Variants in CAP2 observed in about 807,000 individuals in gnomAD.
The protein encoded by CAP2 is cyclase associated actin cytoskeleton regulatory protein 2, also known as adenylyl cyclase-associated protein 2.
A neutral mutation model predicts 57.7 loss-of-function variants in CAP2; 24 were observed. That is an observed-to-expected ratio of 0.42 (90% CI 0.30 to 0.58). CAP2 has a LOEUF of 0.58. CAP2 is among the 20% of genes least tolerant of loss of function. The probability of loss-of-function intolerance (pLI) is 0.22; values close to 1 mark genes in which losing one functional copy is unlikely to be tolerated. For synonymous variants in CAP2, 194 were observed against 207.2 expected, an observed-to-expected ratio of 0.94 and a Z score of 0.55; for missense variants, 501 against 590.3, an observed-to-expected ratio of 0.85 and a Z score of 1.57.
In CAP2 at chr6:17,417,274, A is replaced by T. The variant is rs942976602; in HGVS notation, c.-1-4281A>T. ...TCTCAAGTACAGTTTTTTAAAACTG[A>T]TTTTTTTTTTTTTTTTTCTGAGACA... is the stretch of plus-strand genomic sequence containing the variant. On this transcript the variant is annotated intron_variant, in intron 1 of 12. Coordinates refer to ENST00000229922, the MANE Select transcript of CAP2 (RefSeq NM_006366.3). 2.4e-4 allele frequency among the ~76,000 whole-genome samples: 33 copies of T among 137,244 alleles called. No individual in the cohort carries two copies. In the East Asian group the frequency reaches 5.4e-3, roughly 22 times the overall value. 90.0% of individuals were successfully genotyped at this position (137,244 alleles called of 152,430 possible).
intron 3 of CAP2, among the ~76,000 whole-genome samples, chr6:17,438,352 C>T (rs569080149): frequency 2.5e-5 from 2 of 81,462 alleles, no homozygotes; most frequent in South Asian, 3.5e-4. Flanking sequence ...GGCGAAAGAA[C>T]GAGATTCCAT....
At chr6:17,447,255 A>G (rs1159010547) in intron 3 of CAP2, among the ~76,000 whole-genome samples, 1 of 152,048 alleles carries the variant, frequency 6.6e-6, no homozygotes, top group Non-Finnish European at 1.5e-5. Context: ...CCTGGTCTCA[A>G]GCAGTCCTCC....
chr6:17,462,928 G>A (rs1760763974), intron 3 of CAP2, 68 bp from the exon 4 acceptor site: 5 of 1,241,196 alleles, frequency 4.0e-6, no homozygotes, highest in African/African-American at 3.0e-5. Flanking sequence ...GGGTGGAATT[G>A]CCAGATTATA....
intron 4 of CAP2, among the ~76,000 whole-genome samples, chr6:17,500,338 CAAATATATATATAT>C (rs1761774466): frequency 6.2e-5 from 1 of 16,252 alleles, no homozygotes; most frequent in Non-Finnish European, 1.4e-4. Flanking sequence ...TGTGTGTGTC[CAAATATATATATAT>C]ATATATATAT....
intron 7 of CAP2, among the ~76,000 whole-genome samples, chr6:17,515,189 T>G (rs1292772317): frequency 6.7e-6 from 1 of 149,892 alleles, no homozygotes; most frequent in Non-Finnish European, 1.5e-5. Context: ...AGAGCAAGAC[T>G]CTGTCTCAAA....
At chr6:17,420,038 AT>A (rs1759395024) in intron 1 of CAP2, among the ~76,000 whole-genome samples, 1 of 151,590 alleles carries the variant, frequency 6.6e-6, no homozygotes, top group African/African-American at 2.4e-5. Flanking sequence ...AGCCCAGCTA[AT>A]TTTTGTATTT....
chr6:17,539,573 G>T lies in CAP2; in HGVS notation c.826+115G>T, dbSNP rs1762852053. ...ATCACTCCATCCCTGCCTCCAGCAT[G>T]CAGGGAGAGGGGGAACTGGTGCTGG... On this transcript the variant is annotated intron_variant, in intron 8 of 12. Coordinates refer to ENST00000229922, the MANE Select transcript of CAP2 (RefSeq NM_006366.3). The T allele has an allele frequency of 1.4e-5, 11 of 767,846 alleles. No individual in the cohort carries two copies. In the South Asian group the frequency reaches 2.0e-4, roughly 14 times the overall value. 47.6% of individuals were successfully genotyped at this position (767,846 alleles called of 1,614,324 possible).
chr6:17,404,559 G>C (rs7773865), intron 1 of CAP2, among the ~76,000 whole-genome samples: 1 of 150,766 alleles, frequency 6.6e-6, no homozygotes, highest in African/African-American at 2.4e-5. Flanking sequence ...GAGCCCAGAT[G>C]GCGCCACTGC....
At chr6:17,539,150 C>A in intron 7 of CAP2, 119 bp from the exon 8 acceptor site, 1 of 871,148 alleles carries the variant, frequency 1.1e-6, no homozygotes, top group Admixed American at 2.3e-5. Context: ...CCTCTGGGAG[C>A]CTTTGCTCAG....
intron 12 of CAP2, among the ~76,000 whole-genome samples, chr6:17,554,907 G>T (rs548883234): frequency 3.9e-5 from 6 of 152,290 alleles, no homozygotes; most frequent in Middle Eastern, 3.4e-3. Context: ...CTTTTATTTT[G>T]ACTATTCTCT....
At chr6:17,412,637 G>A (rs904867537) in intron 1 of CAP2, among the ~76,000 whole-genome samples, 17 of 152,192 alleles carry the variant, frequency 1.1e-4, no homozygotes, top group Admixed American at 5.2e-4. Flanking sequence ...GGTTCTGAGG[G>A]GTGATACCTC....
chr6:17,533,000 G>T (rs1013613965), intron 7 of CAP2, among the ~76,000 whole-genome samples: 1 of 148,214 alleles, frequency 6.7e-6, no homozygotes, highest in African/African-American at 2.5e-5. Context: ...GGGAGGTGAA[G>T]GTTGCGGTGA....
chr6:17,406,656 T>C (rs946552796), intron 1 of CAP2, among the ~76,000 whole-genome samples: 2 of 152,082 alleles, frequency 1.3e-5, no homozygotes, highest in African/African-American at 4.8e-5. Flanking sequence ...CCTCCCAAAG[T>C]GCTGGGATTA....
At position 17,406,412 on chromosome 6, in the gene CAP2, T is replaced by TTTTTTC. The variant is rs1197104013; in HGVS notation, c.-2+12667_-2+12668insTTTTCT. 1.0e-3 allele frequency among the ~76,000 whole-genome samples: 140 copies of TTTTTTC among 135,270 alleles called. 22 individuals carry two copies. The highest frequency in any genetic ancestry group is 5.0e-3 in the African/African-American group (134 of 27,024). The allele number at this position is 135,270 out of a possible 152,430, so 88.7% of individuals were successfully genotyped here. A position where few individuals can be genotyped will look rare whatever the true frequency, so the allele number is the denominator to read the frequency against. ...AGCCCAGATTTCTTTTTTTTTTTTT[T>TTTTTTC]TGAGGCAGTCTCACTCTGTCGCCCA... On this transcript the variant is annotated intron_variant, in intron 1 of 12. Coordinates refer to ENST00000229922, the MANE Select transcript of CAP2 (RefSeq NM_006366.3).
chr6:17,499,826 G>A (rs1761757254), intron 4 of CAP2, among the ~76,000 whole-genome samples: 1 of 150,678 alleles, frequency 6.6e-6, no homozygotes, highest in African/African-American at 2.5e-5. Flanking sequence ...ACTCCAGCCT[G>A]GGTGACAGAG....
Position 17,513,719 on chromosome 6 carries a change from T to C in CAP2, c.531-130T>C. 1.5e-6 allele frequency: 1 copy of C among 659,512 alleles called. No individual in the cohort carries two copies. 40.9% of individuals were successfully genotyped at this position (659,512 alleles called of 1,614,324 possible). A position where few individuals can be genotyped will look rare whatever the true frequency, so the allele number is the denominator to read the frequency against. On this transcript the variant is annotated intron_variant, in intron 6 of 12. Coordinates refer to ENST00000229922, the MANE Select transcript of CAP2 (RefSeq NM_006366.3). This position sits in a 1 kb window ranked among gnomAD's most constrained non-coding sequence, Gnocchi z 4.3. ...CCCTTCTGAAGCCCTTCACGGTGCCTGGGTTGCAAGGACGATTGCTCCGGG... is the reference window on the plus strand; with the variant it reads ...CCCTTCTGAAGCCCTTCACGGTGCCCGGGTTGCAAGGACGATTGCTCCGGG...
At chr6:17,527,189 G>A (rs950861704) in intron 7 of CAP2, among the ~76,000 whole-genome samples, 2 of 152,072 alleles carry the variant, frequency 1.3e-5, no homozygotes, top group Non-Finnish European at 1.5e-5. Context: ...GTATGCCCCT[G>A]AAATCTGAAA....
chr6:17,551,074 A>C (rs1763161158), intron 11 of CAP2, among the ~76,000 whole-genome samples: 1 of 152,352 alleles, frequency 6.6e-6, no homozygotes, highest in Middle Eastern at 3.4e-3. Context: ...GATTTGTCAA[A>C]AGTAAAATTT....
Position 17,488,558 on chromosome 6 carries a change from TA to T in CAP2, c.301-18602del, listed in dbSNP as rs532622070. On this transcript the variant is annotated intron_variant, in intron 4 of 12. Transcript: ENST00000229922. ...TTCAGTGAATTTCACATCTTGGTTT[TA>T]AAAAAAAACACACTCATATCACAAG... Among the ~76,000 whole-genome samples the T allele has an allele frequency of 5.1e-3, 776 of 151,628 alleles. 3 individuals carry two copies. The highest frequency in any genetic ancestry group is 8.2e-3 in the Admixed American group (124 of 15,190).
Sources: gnomAD v4.1 joint callset for allele counts (sites outside exome capture counted in the v4.1 genomes callset) on GRCh38, gnomAD v4.1.1 for gene constraint, Gnocchi (gnomAD v3.1) non-coding constraint, MANE v1.5 for transcripts, NCBI Gene and HGNC (gene_info 2026-07-23, HGNC 2026-07-21) for gene names.